Variants in MROH1 observed in about 807,000 individuals in gnomAD.
MROH1 encodes maestro heat like repeat family member 1.
A neutral mutation model predicts 116.5 loss-of-function variants in MROH1; 117 were observed. The ratio of observed to expected loss-of-function variants is 1.00; its 90% CI spans 0.86 to 1.17. The LOEUF (loss-of-function observed/expected upper bound fraction) is 1.17, where lower values mean the gene tolerates loss of function less well. Among genes scored for constraint, MROH1 ranks in the 50% most tolerant of loss-of-function variants. MROH1 has a pLI of 0.00. For missense variants in MROH1, 1,873 were observed against 1,338.5 expected, an observed-to-expected ratio of 1.40 and a Z score of -6.23; for synonymous variants, 921 against 583.9, an observed-to-expected ratio of 1.58 and a Z score of -8.32.
At chr8:144,234,632 T>A (rs1839708101) in intron 14 of MROH1, among the ~76,000 whole-genome samples, 1 of 147,086 alleles carries the variant, frequency 6.8e-6, no homozygotes, top group Non-Finnish European at 1.5e-5. Flanking sequence ...TTCTCCTGCC[T>A]TAGTCTCCTG....
intron 12 of MROH1, chr8:144,213,192 C>T: frequency 1.4e-6 from 1 of 718,538 alleles, no homozygotes; most frequent in Non-Finnish European, 2.6e-6. Context: ...GGGCGACTGC[C>T]CATGTGGCCC....
chr8:144,168,581 C>A, intron 4 of MROH1, 141 bp downstream of exon 4: 1 of 973,490 alleles, frequency 1.0e-6, no homozygotes, highest in Non-Finnish European at 1.5e-6. Flanking sequence ...CCCCTCCACA[C>A]GTGCCTATGT....
chr8:144,182,327 G>A lies in MROH1; in HGVS notation c.562+1804G>A, dbSNP rs1463362563. Among the ~76,000 whole-genome samples, 1 of 152,144 alleles carries A rather than the reference G, an allele frequency of 6.6e-6. No individual in the cohort carries two copies. The highest frequency in any genetic ancestry group is 1.5e-5 in the Non-Finnish European group (1 of 68,034). On this transcript the variant is annotated intron_variant, in intron 7 of 43. Transcript: ENST00000326134. This position sits in a 1 kb window ranked among gnomAD's most constrained non-coding sequence, Gnocchi z 4.1. ...GAGGCACGGCTGGCCTGGCCACGCC[G>A]TCCAGCAGGGCAGGCATCCAGTAAT...
At chr8:144,199,239 G>A in intron 11 of MROH1, 39 bp downstream of exon 11, 1 of 1,593,526 alleles carries the variant, frequency 6.3e-7, no homozygotes, top group Non-Finnish European at 8.6e-7. Flanking sequence ...GGCATCTGTG[G>A]ACACTCACAG....
In MROH1 at chr8:144,260,566, G is replaced by A. The variant is rs1159301311; in HGVS notation, c.4381-111G>A. 1.3e-5 allele frequency: 10 copies of A among 761,762 alleles called. No homozygotes were observed. The East Asian group carries it at 1.5e-4, about 11-fold the overall frequency. The allele number at this position is 761,762 out of a possible 1,614,324, so 47.2% of individuals were successfully genotyped here. Reference sequence around the variant, plus strand: ...ACCCGTAAGGCCCCCACCCGTCGGGGTGTTTCCTGGCCCGGGTCAGGCAAG... The same window carrying A: ...ACCCGTAAGGCCCCCACCCGTCGGGATGTTTCCTGGCCCGGGTCAGGCAAG... On this transcript the variant is annotated intron_variant, in intron 39 of 43. Coordinates refer to ENST00000326134, the MANE Select transcript of MROH1 (RefSeq NM_032450.3).
chr8:144,195,195 T>TAAAAACAAAAAAAAAAAAAAAA, intron 10 of MROH1, among the ~76,000 whole-genome samples: 1 of 11,682 alleles, frequency 8.6e-5, no homozygotes, highest in Non-Finnish European at 1.4e-4. Context: ...ACTGTGTCTT[T>TAAAAACAAAAAAAAAAAAAAAA]AAAAAAAAAA....
rs191014998 is a variant in MROH1, at chr8:144,218,509, G to T, written c.1142-2091G>T. On this transcript the variant is annotated intron_variant, in intron 12 of 43. Transcript: ENST00000326134. ...TCACATCTTTCGTCTTTCTGTTGATGAGTCTTGTTCTCATCAACTTGTTGG... is the reference window on the plus strand; with the variant it reads ...TCACATCTTTCGTCTTTCTGTTGATTAGTCTTGTTCTCATCAACTTGTTGG... 8.2e-4 allele frequency among the ~76,000 whole-genome samples: 124 copies of T among 151,770 alleles called. No homozygotes were observed. In the South Asian group the frequency reaches 0.012, roughly 15 times the overall value.
chr8:144,255,239 A>T (rs1303744795), intron 34 of MROH1, among the ~76,000 whole-genome samples: 2 of 152,318 alleles, frequency 1.3e-5, no homozygotes, highest in African/African-American at 2.4e-5. Flanking sequence ...AGCTGTGAGA[A>T]TTCCCTCCTC....
intron 10 of MROH1, among the ~76,000 whole-genome samples, chr8:144,195,319 G>GTGAAACCC: frequency 6.7e-6 from 1 of 149,518 alleles, no homozygotes; most frequent in Admixed American, 6.7e-5. Context: ...CGATAACACG[G>GTGAAACCC]TGAAACCCTG....
intron 3 of MROH1, among the ~76,000 whole-genome samples, chr8:144,164,180 G>A (rs1935572239): frequency 6.6e-6 from 1 of 151,250 alleles, no homozygotes; most frequent in South Asian, 2.1e-4. Context: ...CAAGGCAGGC[G>A]GATCACTTGA....
At chr8:144,261,430 A>T in intron 43 of MROH1, 81 bp downstream of exon 43, 1 of 700,008 alleles carries the variant, frequency 1.4e-6, no homozygotes, top group Non-Finnish European at 2.6e-6. Context: ...ATTTTCCTGG[A>T]TTTCAGGACT....
At chr8:144,226,676 C>G (rs993996346) in intron 14 of MROH1, among the ~76,000 whole-genome samples, 10 of 152,160 alleles carry the variant, frequency 6.6e-5, no homozygotes, top group African/African-American at 2.4e-4. Context: ...TGGTCTCAAA[C>G]TCCTGGCCTG....
At chr8:144,172,691 G>A (rs949262371) in intron 4 of MROH1, among the ~76,000 whole-genome samples, 1 of 152,084 alleles carries the variant, frequency 6.6e-6, no homozygotes, top group Admixed American at 6.5e-5. Flanking sequence ...TTACAGGTGC[G>A]AGCCACCGTG....
chr8:144,176,444 G>T lies in MROH1; in HGVS notation c.169-3011G>T, dbSNP rs183695970. 1.7e-4 allele frequency among the ~76,000 whole-genome samples: 25 copies of T among 151,386 alleles called. No homozygotes were observed. The East Asian group carries it at 4.9e-3, about 29-fold the overall frequency. On this transcript the variant is annotated intron_variant, in intron 4 of 43. Transcript: ENST00000326134. ...CCAGCTACTTGAGAGGTTGTGGCAG[G>T]AGGGTCTCTTGAGCCTGCAAGTTCA...
In MROH1 at chr8:144,168,449, GCTC is replaced by G. The variant is rs1564381020; in HGVS notation, c.168+12_168+14del. The G allele has an allele frequency of 6.3e-7, 1 of 1,597,524 alleles. No homozygotes were observed. Among genetic ancestry groups the G allele is most frequent in the South Asian group, 1.1e-5 (1 of 89,012 alleles). ...TGCGGCAGCATGACAAGGTATGTGTGCTCCTTGGTGGGGATGATGTTGTCAGGG... is the reference window on the plus strand; with the variant it reads ...TGCGGCAGCATGACAAGGTATGTGTGCTTGGTGGGGATGATGTTGTCAGGG... On this transcript the variant is annotated intron_variant, in intron 4 of 43. Coordinates refer to ENST00000326134, the MANE Select transcript of MROH1 (RefSeq NM_032450.3).
At chr8:144,191,395 G>A (rs1828555499) in intron 8 of MROH1, among the ~76,000 whole-genome samples, 1 of 152,176 alleles carries the variant, frequency 6.6e-6, no homozygotes, top group Non-Finnish European at 1.5e-5. Context: ...CACCTGCACA[G>A]GGCCCCCTCT....
At chr8:144,213,261 T>C in intron 12 of MROH1, 1 of 617,902 alleles carries the variant, frequency 1.6e-6, no homozygotes, top group South Asian at 2.1e-5. Context: ...GCTCTTTCTC[T>C]GTAGGTTCCG....
chr8:144,244,510 A>AC lies in MROH1; in HGVS notation c.2743dup (p.Gln915ProfsTer8). On this transcript the variant is annotated frameshift_variant, in exon 28 of 44. Coordinates refer to ENST00000326134, the MANE Select transcript of MROH1 (RefSeq NM_032450.3). LOFTEE classifies it high-confidence loss of function. Reference sequence around the variant, plus strand: ...GACGAGCCTCCTGCAGCGGAACATGACCCCCCAAGGCCTGCAGATCATGAT... The same window carrying AC: ...GACGAGCCTCCTGCAGCGGAACATGACCCCCCCAAGGCCTGCAGATCATGAT... The AC allele has an allele frequency of 2.6e-6, 2 of 771,478 alleles. No homozygotes were observed. Among genetic ancestry groups the AC allele is most frequent in the Non-Finnish European group, 2.4e-6 (1 of 413,996 alleles). 47.8% of individuals were successfully genotyped at this position (771,478 alleles called of 1,614,324 possible).
At chr8:144,228,973 C>T (rs975487017) in intron 14 of MROH1, among the ~76,000 whole-genome samples, 5 of 152,238 alleles carry the variant, frequency 3.3e-5, no homozygotes, top group African/African-American at 7.2e-5. Context: ...GTTTCAACAA[C>T]GTTCACAGCA....
Sources: allele counts gnomAD v4.1 joint callset (sites outside exome capture counted in the v4.1 genomes callset), GRCh38; gene constraint gnomAD v4.1.1; non-coding constraint Gnocchi (gnomAD v3.1); transcripts MANE v1.5; gene names NCBI Gene and HGNC (gene_info 2026-07-23, HGNC 2026-07-21).